Variants in CDH3 observed in about 807,000 individuals in gnomAD.
CDH3 encodes the protein cadherin-3.
Under a neutral mutation model 82.0 loss-of-function variants are expected in CDH3, and 54 were observed. The observed-to-expected ratio is 0.66, with a 90% confidence interval of 0.53 to 0.83. The LOEUF (loss-of-function observed/expected upper bound fraction) is 0.83. CDH3 is among the 40% of genes least tolerant of loss of function. The pLI, the probability that CDH3 is intolerant of heterozygous loss-of-function variation, is 0.00. For missense variants in CDH3, 1,054 were observed against 1,084.6 expected (o/e 0.97, Z 0.40); for synonymous variants, 446 against 437.9 (o/e 1.02, Z -0.23).
intron 12 of CDH3, among the ~76,000 whole-genome samples, chr16:68,688,247 C>T (rs1377765389): frequency 1.3e-5 from 2 of 151,878 alleles, no homozygotes; most frequent in East Asian, 4.0e-4. Flanking sequence ...GACCGTTGCC[C>T]CCGTGGCCCA....
At chr16:68,721,531 G>C (rs1452212075) in intron 1 of CDH3, among the ~76,000 whole-genome samples, 2 of 152,104 alleles carry the variant, frequency 1.3e-5, no homozygotes, top group South Asian at 2.1e-4. Flanking sequence ...ACCGCACCCG[G>C]CCACAGTTCA....
At chr16:68,677,747 A>G (rs556643790) in intron 3 of CDH3, among the ~76,000 whole-genome samples, 4 of 152,324 alleles carry the variant, frequency 2.6e-5, no homozygotes, top group African/African-American at 7.2e-5. Context: ...CAAAAAAAGG[A>G]AAAGAAAGAA....
chr16:68,678,552 C>T lies in CDH3; in HGVS notation c.442C>T (p.Pro148Ser). 1.2e-6 allele frequency: 2 copies of T among 1,614,166 alleles called. No individual in the cohort carries two copies. The highest frequency in any genetic ancestry group is 1.7e-6 in the Non-Finnish European group (2 of 1,179,998). ...DTKIFYSITG[P>S]GADSPPEGVF... The stretch of plus-strand genomic sequence containing the variant: ...CAAGATTTTCTACAGCATCACGGGG[C>T]CGGGGGCAGACAGCCCCCCTGAGGG... Residue 148 changes from proline to serine, a missense_variant, in exon 5 of 16, where the codon CCG becomes TCG. By Grantham distance (74) the Pro-to-Ser change is moderately conservative. Transcript: ENST00000264012.
chr16:68,698,597 C>T lies in CDH3; in HGVS notation c.*197C>T. 1 of 601,998 alleles carries T rather than the reference C, an allele frequency of 1.7e-6. No individual in the cohort carries two copies. The highest frequency in any genetic ancestry group is 2.9e-6 in the Non-Finnish European group (1 of 340,186). The allele number at this position is 601,998 out of a possible 1,614,324, so 37.3% of individuals were successfully genotyped here. A position where few individuals can be genotyped will look rare whatever the true frequency, so the allele number is the denominator to read the frequency against. On this transcript the variant is annotated 3_prime_UTR_variant, in exon 16 of 16. Transcript: ENST00000264012. ...GGATGGAGGAATGTGGGCAGTTTGA[C>T]TTCAGCACTGAAAACCTCTCCACCT...
intron 1 of CDH3, among the ~76,000 whole-genome samples, chr16:68,713,719 G>A (rs1386710652): frequency 1.3e-5 from 2 of 152,136 alleles, no homozygotes; most frequent in East Asian, 3.9e-4. Context: ...TCAAATCCCA[G>A]CCTAGGTTGA....
At chr16:68,721,861 G>T (rs933033005) in intron 1 of CDH3, among the ~76,000 whole-genome samples, 1 of 152,084 alleles carries the variant, frequency 6.6e-6, no homozygotes, top group African/African-American at 2.4e-5. Flanking sequence ...AGGCTGAGGC[G>T]GGCAGATCAC....
intron 1 of CDH3, among the ~76,000 whole-genome samples, chr16:68,705,844 T>A (rs182386640): frequency 5.3e-5 from 8 of 151,354 alleles, no homozygotes; most frequent in Non-Finnish European, 1.2e-4. Context: ...GGCAGGTGGA[T>A]CACGAGGTCA....
chr16:68,715,309 C>T (rs1962080664), intron 1 of CDH3, among the ~76,000 whole-genome samples: 1 of 151,708 alleles, frequency 6.6e-6, no homozygotes, highest in African/African-American at 2.4e-5. Flanking sequence ...GCCCTGTAGT[C>T]CCAGCTACTC....
chr16:68,671,581 G>A (rs1169566702), intron 2 of CDH3, among the ~76,000 whole-genome samples: 2 of 148,590 alleles, frequency 1.3e-5, no homozygotes, highest in African/African-American at 5.0e-5. Context: ...GAGTGAGGTG[G>A]TGCGATCTCG....
Position 68,684,511 on chromosome 16 carries a change from A to G in CDH3, c.1183-72A>G, listed in dbSNP as rs902221555. 1.9e-6 allele frequency: 3 copies of G among 1,582,798 alleles called. No individual in the cohort carries two copies. In the Admixed American group the frequency reaches 5.0e-5, roughly 26 times the overall value. Reference sequence around the variant, plus strand: ...CCTCAGTATTGGTGTTTTCCTTCTCACATCTCAACTGTCCTGCACAGGACC... The same window carrying G: ...CCTCAGTATTGGTGTTTTCCTTCTCGCATCTCAACTGTCCTGCACAGGACC... On this transcript the variant is annotated intron_variant, in intron 9 of 15. Coordinates refer to ENST00000264012, the MANE Select transcript of CDH3 (RefSeq NM_001793.6).
At chr16:68,703,718 G>A (rs1191579612), downstream of CDH3, among the ~76,000 whole-genome samples, 3 of 152,052 alleles carry the variant, frequency 2.0e-5, no homozygotes, top group East Asian at 1.9e-4. Context: ...AGGCCGAGGC[G>A]GGTGGAACAC....
intron 2 of CDH3, among the ~76,000 whole-genome samples, chr16:68,662,774 C>T (rs901587245): frequency 6.6e-6 from 1 of 151,346 alleles, no homozygotes; most frequent in African/African-American, 2.4e-5. Flanking sequence ...TCTCGATCTC[C>T]TGACCTCGTG....
At chr16:68,689,210 T>G (rs973353287) in intron 12 of CDH3, among the ~76,000 whole-genome samples, 1 of 152,104 alleles carries the variant, frequency 6.6e-6, no homozygotes, top group Admixed American at 6.6e-5. Flanking sequence ...AAAGCAATGG[T>G]GAGGATCAGG....
At chr16:68,728,616 C>T (rs150108895), downstream of CDH3, among the ~76,000 whole-genome samples, 537 of 152,206 alleles carry the variant, frequency 3.5e-3, no homozygotes, top group Non-Finnish European at 6.0e-3. Flanking sequence ...TTCTTAAAGG[C>T]AGGGACCGTA....
intron 2 of CDH3, among the ~76,000 whole-genome samples, chr16:68,669,639 T>C (rs1960833629): frequency 6.6e-6 from 1 of 151,948 alleles, no homozygotes; most frequent in Non-Finnish European, 1.5e-5. Context: ...CGGTAGCAGC[T>C]CTCAGAGTTT....
rs549357874 is a variant in CDH3, at chr16:68,698,549, G to T, written c.*149G>T. ...GACAGGCTATGAGTCTGACGTTAGA[G>T]TGGTGGCTTCCTTAGCCTTTCAGGA... On this transcript the variant is annotated 3_prime_UTR_variant, in exon 16 of 16. Coordinates refer to ENST00000264012, the MANE Select transcript of CDH3 (RefSeq NM_001793.6). 49 of 693,326 alleles carry T rather than the reference G, an allele frequency of 7.1e-5. 1 individual carries two copies. The highest frequency in any genetic ancestry group is 1.1e-4 in the Non-Finnish European group (44 of 400,942). 42.9% of individuals were successfully genotyped at this position (693,326 alleles called of 1,614,324 possible). A position where few individuals can be genotyped will look rare whatever the true frequency, so the allele number is the denominator to read the frequency against.
downstream of CDH3, among the ~76,000 whole-genome samples, chr16:68,730,031 G>A (rs1190035569): frequency 6.6e-6 from 1 of 151,640 alleles, no homozygotes; most frequent in Non-Finnish European, 1.5e-5. Context: ...TCAGGAGTTC[G>A]AGACCAGCCT....
At chr16:68,701,796 C>T (rs558668466), downstream of CDH3, among the ~76,000 whole-genome samples, 61 of 151,802 alleles carry the variant, frequency 4.0e-4, no homozygotes, top group South Asian at 1.7e-3. Flanking sequence ...GAGGCTGAGG[C>T]GGGCGGATTA....
intron 15 of CDH3, among the ~76,000 whole-genome samples, chr16:68,697,771 C>T (rs1054764000): frequency 6.6e-6 from 1 of 152,168 alleles, no homozygotes; most frequent in Non-Finnish European, 1.5e-5. Flanking sequence ...TTTACTCATT[C>T]ATCTGTTCCT....
Sources: gnomAD v4.1 joint callset for allele counts (sites outside exome capture counted in the v4.1 genomes callset) on GRCh38, gnomAD v4.1.1 for gene constraint, MANE v1.5 for transcripts, NCBI Gene and HGNC (gene_info 2026-07-23, HGNC 2026-07-21) for gene names.